Variants in GALNT18 observed in about 807,000 individuals in gnomAD.
The protein encoded by GALNT18 is GalNAc-transferase 18.
A neutral mutation model predicts 69.5 loss-of-function variants in GALNT18; 44 were observed. That is an observed-to-expected ratio of 0.63 (90% CI 0.50 to 0.81). GALNT18 has a LOEUF of 0.81. Ranked by LOEUF, GALNT18 falls within the 40% of genes least tolerant of loss-of-function variation. GALNT18 has a pLI of 0.00. For synonymous variants in GALNT18, 364 were observed against 318.2 expected (o/e 1.14, Z -1.53); for missense variants, 715 against 810.0 (o/e 0.88, Z 1.42).
intron 1 of GALNT18, among the ~76,000 whole-genome samples, chr11:11,479,663 T>C (rs999938879): frequency 3.9e-5 from 6 of 152,196 alleles, no homozygotes; most frequent in Non-Finnish European, 7.3e-5. Context: ...TTTCCGTGGT[T>C]TACTGAGGGA....
chr11:11,347,721 C>A lies in GALNT18; in HGVS notation c.1093-6717G>T, dbSNP rs1850327886. On this transcript the variant is annotated intron_variant, in intron 6 of 10. Transcript: ENST00000227756. This position sits in a 1 kb window ranked among gnomAD's most constrained non-coding sequence, Gnocchi z 4.0. ...TCCATCCAAAGCCGGCCTGGCCCAG[C>A]TCCTCCAAACTCTTGGAACTAATGA... Among the ~76,000 whole-genome samples the A allele has an allele frequency of 6.6e-6, 1 of 152,230 alleles. No individual in the cohort carries two copies. Among genetic ancestry groups the A allele is most frequent in the Admixed American group, 6.5e-5 (1 of 15,280 alleles).
rs1367669613 is a variant in GALNT18, at chr11:11,562,909, G to A, written c.235+58450C>T. ...TTCCCTTCCCATCACCCTGCCTCAG[G>A]CTTCATTCAGCACCCCCACAGCCCT... On this transcript the variant is annotated intron_variant, in intron 1 of 10. Transcript: ENST00000227756. This position sits in a 1 kb window ranked among gnomAD's most constrained non-coding sequence, Gnocchi z 4.1. Among the ~76,000 whole-genome samples the A allele has an allele frequency of 6.6e-6, 1 of 152,098 alleles. No homozygotes were observed. Among genetic ancestry groups the A allele is most frequent in the Non-Finnish European group, 1.5e-5 (1 of 68,022 alleles).
chr11:11,448,995 C>A (rs1855730080), intron 1 of GALNT18, 59 bp from the exon 2 acceptor site: 16 of 1,331,626 alleles, frequency 1.2e-5, no homozygotes, highest in Non-Finnish European at 1.4e-5. Context: ...TGTGCCATGA[C>A]AATCCCTTTC....
intron 10 of GALNT18, among the ~76,000 whole-genome samples, chr11:11,276,104 T>C (rs1160351797): frequency 6.6e-6 from 1 of 152,224 alleles, no homozygotes; most frequent in Non-Finnish European, 1.5e-5. Context: ...TAGCACTGAA[T>C]CTACAAATTG....
In GALNT18 at chr11:11,404,669, T is replaced by A. The variant is rs568852993; in HGVS notation, c.596-25405A>T. Among the ~76,000 whole-genome samples, 1 of 152,196 alleles carries A rather than the reference T, an allele frequency of 6.6e-6. No homozygotes were observed. The highest frequency in any genetic ancestry group is 2.4e-5 in the African/African-American group (1 of 41,446). On this transcript the variant is annotated intron_variant, in intron 3 of 10. Coordinates refer to ENST00000227756, the MANE Select transcript of GALNT18 (RefSeq NM_198516.3). This position sits in a 1 kb window ranked among gnomAD's most constrained non-coding sequence, Gnocchi z 4.5. Reference sequence around the variant, plus strand: ...GCCCGCAGCCATATTCTCATTCAAATGGGACTCTCTCTGTCTCAACTCTCA... The same window carrying A: ...GCCCGCAGCCATATTCTCATTCAAAAGGGACTCTCTCTGTCTCAACTCTCA...
chr11:11,398,800 C>G (rs1208535530), intron 3 of GALNT18, among the ~76,000 whole-genome samples: 2 of 152,188 alleles, frequency 1.3e-5, no homozygotes, highest in Non-Finnish European at 2.9e-5. Context: ...GGACTTAACT[C>G]AAGCACAGGC....
chr11:11,367,101 T>C (rs1850790211), intron 6 of GALNT18, among the ~76,000 whole-genome samples: 1 of 152,166 alleles, frequency 6.6e-6, no homozygotes, highest in Non-Finnish European at 1.5e-5. Flanking sequence ...CTGTCCTAGA[T>C]GTAACTCAGC....
At chr11:11,331,714 A>G (rs1431979906) in intron 8 of GALNT18, among the ~76,000 whole-genome samples, 6 of 152,114 alleles carry the variant, frequency 3.9e-5, no homozygotes, top group Non-Finnish European at 8.8e-5. Context: ...CTTGTGAAAA[A>G]TCACTCTTTG....
Position 11,450,420 on chromosome 11 carries a change from C to T in GALNT18, c.236-1484G>A, listed in dbSNP as rs1240084930. Among the ~76,000 whole-genome samples, 4 of 152,290 alleles carry T rather than the reference C, an allele frequency of 2.6e-5. No homozygotes were observed. The East Asian group carries it at 5.8e-4, about 22-fold the overall frequency. On this transcript the variant is annotated intron_variant, in intron 1 of 10. Transcript: ENST00000227756. ...ACTGCCTGGGAACAAAAGAGGGAGG[C>T]TTCCAAAACATAGGCTCCCCCTACC...
At chr11:11,570,552 T>C (rs1858768162) in intron 1 of GALNT18, among the ~76,000 whole-genome samples, 3 of 152,226 alleles carry the variant, frequency 2.0e-5, no homozygotes, top group Non-Finnish European at 4.4e-5. Context: ...GAAAGCTTTT[T>C]TCCACAATTC....
intron 10 of GALNT18, among the ~76,000 whole-genome samples, chr11:11,282,971 G>T (rs1033730799): frequency 1.3e-5 from 2 of 152,236 alleles, no homozygotes; most frequent in Middle Eastern, 3.4e-3. Context: ...GACGGCAAGT[G>T]TAAGAGGTGG....
chr11:11,457,283 A>C (rs1221561313), intron 1 of GALNT18, among the ~76,000 whole-genome samples: 1 of 152,202 alleles, frequency 6.6e-6, no homozygotes, highest in Non-Finnish European at 1.5e-5. Context: ...TCTAGGTCTG[A>C]CTGCCTCACC....
chr11:11,560,123 A>G (rs1261579689), intron 1 of GALNT18, among the ~76,000 whole-genome samples: 54 of 150,546 alleles, frequency 3.6e-4, no homozygotes, highest in Middle Eastern at 7.2e-3. Flanking sequence ...ATACAATGGG[A>G]TGGGATGGGA....
intron 1 of GALNT18, among the ~76,000 whole-genome samples, chr11:11,502,134 C>T (rs1055096005): frequency 3.9e-5 from 5 of 128,114 alleles, no homozygotes; most frequent in Admixed American, 1.6e-4. Flanking sequence ...AAAGTGCCCA[C>T]CTCTGAGCTC....
Position 11,562,967 on chromosome 11 carries a change from C to A in GALNT18, c.235+58392G>T, listed in dbSNP as rs1183046761. On this transcript the variant is annotated intron_variant, in intron 1 of 10. Transcript: ENST00000227756. The surrounding 1 kb of genome is among the most constrained non-coding windows in gnomAD (Gnocchi z 4.1). ...ACAGATCGGAAGAGACTCCCAGGAACTACATGCTTCCAACATGTGCTCTTT... is the reference window on the plus strand; with the variant it reads ...ACAGATCGGAAGAGACTCCCAGGAAATACATGCTTCCAACATGTGCTCTTT... Among the ~76,000 whole-genome samples the A allele has an allele frequency of 6.6e-6, 1 of 152,188 alleles. No homozygotes were observed. The highest frequency in any genetic ancestry group is 2.4e-5 in the African/African-American group (1 of 41,444).
chr11:11,552,290 A>G (rs1858215882), intron 1 of GALNT18, among the ~76,000 whole-genome samples: 1 of 152,068 alleles, frequency 6.6e-6, no homozygotes, highest in South Asian at 2.1e-4. Context: ...GGAGCCCAGG[A>G]CCCCAAAAAA....
intron 3 of GALNT18, among the ~76,000 whole-genome samples, chr11:11,400,959 C>A (rs1208579020): frequency 6.6e-6 from 1 of 152,116 alleles, no homozygotes; most frequent in African/African-American, 2.4e-5. Context: ...GTGCCAGGAG[C>A]GGGGCTAAGT....
chr11:11,274,113 G>T (rs912080712), intron 10 of GALNT18, among the ~76,000 whole-genome samples: 1 of 152,156 alleles, frequency 6.6e-6, no homozygotes, highest in East Asian at 1.9e-4. Flanking sequence ...GCCAAGGAAA[G>T]CTGTGAGAGA....
In GALNT18 at chr11:11,600,611, G is replaced by A. The variant is rs1056002293; in HGVS notation, c.235+20748C>T. ...GCTTTCAAAATTTCAACTATGATGT[G>A]TCTGGATGTGGCTTTGTTTTTATCC... On this transcript the variant is annotated intron_variant, in intron 1 of 10. Transcript: ENST00000227756. The surrounding 1 kb of genome is among the most constrained non-coding windows in gnomAD (Gnocchi z 4.8). Among the ~76,000 whole-genome samples the A allele has an allele frequency of 1.1e-4, 16 of 152,060 alleles. 1 individual carries two copies. Among genetic ancestry groups the A allele is most frequent in the African/African-American group, 3.9e-4 (16 of 41,428 alleles).
Sources: gnomAD v4.1 joint callset for allele counts (sites outside exome capture counted in the v4.1 genomes callset) on GRCh38, gnomAD v4.1.1 for gene constraint, Gnocchi (gnomAD v3.1) non-coding constraint, MANE v1.5 for transcripts, NCBI Gene and HGNC (gene_info 2026-07-23, HGNC 2026-07-21) for gene names.